Variants in JAK1 observed in about 807,000 individuals in gnomAD.
JAK1 encodes the protein tyrosine-protein kinase JAK1.
In JAK1, 16 loss-of-function variants were observed where a neutral mutation model predicts 136.6. The observed-to-expected ratio is 0.12, with a 90% confidence interval of 0.08 to 0.18. JAK1 has a LOEUF of 0.18. Ranked by LOEUF, JAK1 falls within the 10% of genes least tolerant of loss-of-function variation. The pLI is 1.00. For missense variants in JAK1, 859 were observed against 1,450.1 expected (o/e 0.59, Z 6.62); for synonymous variants, 492 against 519.5 (o/e 0.95, Z 0.72).
At chr1:65,060,950 G>A (rs1007075195) in intron 1 of JAK1, among the ~76,000 whole-genome samples, 1 of 152,180 alleles carries the variant, frequency 6.6e-6, no homozygotes, top group Non-Finnish European at 1.5e-5. Flanking sequence ...CTAAGGAAGA[G>A]AGAAAACAGT....
chr1:64,918,942 A>G (rs865885859), intron 1 of JAK1, among the ~76,000 whole-genome samples: 2 of 152,230 alleles, frequency 1.3e-5, no homozygotes, highest in Non-Finnish European at 1.5e-5. Context: ...AGAAAAATTT[A>G]TAAGTATCTC....
intron 1 of JAK1, among the ~76,000 whole-genome samples, chr1:65,062,097 C>T (rs1175132667): frequency 6.6e-6 from 1 of 152,066 alleles, no homozygotes; most frequent in Non-Finnish European, 1.5e-5. Context: ...CTTTCTTCCT[C>T]ATGTTGACCA....
chr1:65,053,223 T>C (rs1647369693), intron 1 of JAK1, among the ~76,000 whole-genome samples: 1 of 151,192 alleles, frequency 6.6e-6, no homozygotes, highest in Non-Finnish European at 1.5e-5. Flanking sequence ...GGCATATGCC[T>C]GTAGTCCCAG....
At chr1:64,986,053 T>G in intron 2 of JAK1, 1 of 1,288,098 alleles carries the variant, frequency 7.8e-7, no homozygotes, top group South Asian at 1.2e-5. Context: ...GCAATTGTGA[T>G]GGCGAAGATC....
At chr1:64,870,227 A>G (rs758564812) in intron 5 of JAK1, among the ~76,000 whole-genome samples, 15 of 152,070 alleles carry the variant, frequency 9.9e-5, no homozygotes, top group Non-Finnish European at 1.9e-4. Context: ...ACACCTTACA[A>G]CGTGGATGTT....
At chr1:64,883,134 G>A (rs1045760109) in intron 3 of JAK1, 143 bp downstream of exon 3, 2 of 594,526 alleles carry the variant, frequency 3.4e-6, no homozygotes, top group African/African-American at 1.9e-5. Context: ...CGTGCAAGTG[G>A]CAGTGGCAGA....
chr1:65,038,449 T>C (rs1449705083), intron 2 of JAK1, among the ~76,000 whole-genome samples: 2 of 152,086 alleles, frequency 1.3e-5, no homozygotes, highest in African/African-American at 4.8e-5. Flanking sequence ...TCTGCCCGCC[T>C]CGGCCTCCCA....
At position 64,845,562 on chromosome 1, in the gene JAK1, G is replaced by C. The variant is rs748688004; in HGVS notation, c.2066C>G (p.Pro689Arg). 1 of 1,614,132 alleles carries C rather than the reference G, an allele frequency of 6.2e-7. No homozygotes were observed. The highest frequency in any genetic ancestry group is 8.5e-7 in the Non-Finnish European group (1 of 1,179,990). ...MHRKSDVLTT[P>R]WKFKVAKQLA... ...CTGTTTGGCAACTTTGAATTTCCAT[G>C]GTGTGGTAAGGACATCGCTTTTCCG... The change falls in exon 15 of 25, where the codon CCA becomes CGA. Residue 689 changes from proline (P) to arginine (R), a missense_variant. Coordinates refer to ENST00000342505, the MANE Select transcript of JAK1 (RefSeq NM_002227.4).
chr1:64,854,962 G>A (rs1038549292), intron 11 of JAK1, among the ~76,000 whole-genome samples: 2 of 152,154 alleles, frequency 1.3e-5, no homozygotes, highest in African/African-American at 4.8e-5. Flanking sequence ...CCTGTGCCAC[G>A]GAACTCAGGG....
intron 2 of JAK1, among the ~76,000 whole-genome samples, chr1:65,019,124 C>G (rs796886558): frequency 7.2e-5 from 11 of 152,186 alleles, no homozygotes; most frequent in African/African-American, 2.6e-4. Flanking sequence ...AATTCCAGGA[C>G]CAGAAGCCTT....
intron 2 of JAK1, among the ~76,000 whole-genome samples, chr1:65,039,401 T>C (rs536391213): frequency 2.0e-5 from 3 of 152,282 alleles, no homozygotes; most frequent in South Asian, 2.1e-4. Flanking sequence ...TGGCAGGCAT[T>C]ATGTTAAATA....
rs766527631 is a variant in JAK1, at chr1:64,957,500, CAG to C, written c.-78+8831_-78+8832del. On this transcript the variant is annotated intron_variant, in intron 1 of 24. Transcript: ENST00000342505. ...CTCTTGGCACAGCTCTTTCACACTTCAGATTTCCATGTATAAAAGTGTACTGC... is the reference window on the plus strand; with the variant it reads ...CTCTTGGCACAGCTCTTTCACACTTCATTTCCATGTATAAAAGTGTACTGC... Among the ~76,000 whole-genome samples the C allele has an allele frequency of 3.9e-5, 6 of 152,326 alleles. No homozygotes were observed. In the East Asian group the frequency reaches 1.2e-3, roughly 29 times the overall value.
chr1:64,888,634 A>G (rs534947452), intron 1 of JAK1, among the ~76,000 whole-genome samples: 45 of 152,356 alleles, frequency 3.0e-4, no homozygotes, highest in East Asian at 5.8e-4. Flanking sequence ...ACCAGTAATC[A>G]AGGGGAGTTT....
intron 1 of JAK1, among the ~76,000 whole-genome samples, chr1:64,925,001 G>T (rs1645559466): frequency 6.6e-6 from 1 of 152,142 alleles, no homozygotes; most frequent in African/African-American, 2.4e-5. Flanking sequence ...GGGTGATAAT[G>T]ATGTCAGTGT....
intron 2 of JAK1, chr1:65,002,477 C>G (rs112744586): frequency 3.2e-4 from 49 of 152,378 alleles, no homozygotes; most frequent in African/African-American, 1.2e-3. Flanking sequence ...GAGCCTGTTT[C>G]CTCACTTCTA....
chr1:64,911,120 T>G (rs535387000), intron 1 of JAK1, among the ~76,000 whole-genome samples: 1 of 151,030 alleles, frequency 6.6e-6, no homozygotes, highest in Non-Finnish European at 1.5e-5. Context: ...CTGACCAATG[T>G]AGTTGGAGAG....
chr1:65,013,184 T>A (rs2100774786), intron 2 of JAK1, among the ~76,000 whole-genome samples: 1 of 148,196 alleles, frequency 6.7e-6, no homozygotes, highest in South Asian at 2.1e-4. Flanking sequence ...TCACTTGAAG[T>A]CAGGAGTTTG....
At chr1:65,062,379 T>A (rs950553335) in intron 1 of JAK1, among the ~76,000 whole-genome samples, 1 of 152,172 alleles carries the variant, frequency 6.6e-6, no homozygotes, top group African/African-American at 2.4e-5. Flanking sequence ...TGGCTAAACA[T>A]CTCTAAAAAC....
chr1:65,067,736 A>C (rs1648139364), upstream of JAK1: 1 of 142,776 alleles, frequency 7.0e-6, no homozygotes, highest in Non-Finnish European at 1.5e-5. Flanking sequence ...TATCTCTGCC[A>C]TGTGATAGAT....
Sources: allele counts gnomAD v4.1 joint callset (sites outside exome capture counted in the v4.1 genomes callset), GRCh38; gene constraint gnomAD v4.1.1; transcripts MANE v1.5; gene names NCBI Gene and HGNC (gene_info 2026-07-23, HGNC 2026-07-21).